Variants in HDDC2 observed in about 807,000 individuals in gnomAD.
HDDC2 encodes the protein HD domain containing 2.
HDDC2 carries 25 observed loss-of-function variants against 25.5 expected under a neutral mutation model. That is an observed-to-expected ratio of 0.98 (90% CI 0.72 to 1.37). HDDC2 has a LOEUF of 1.37. Ranked by LOEUF, HDDC2 falls within the 40% of genes most tolerant of loss-of-function variation. HDDC2 has a pLI of 0.00. For synonymous variants in HDDC2, 106 were observed against 89.7 expected (o/e 1.18, Z -1.03); for missense variants, 264 against 253.1 (o/e 1.04, Z -0.29).
At chr6:125,281,513 A>T (rs1798456705) in intron 4 of HDDC2, among the ~76,000 whole-genome samples, 1 of 152,152 alleles carries the variant, frequency 6.6e-6, no homozygotes. Flanking sequence ...AAAGAGCAAA[A>T]ATGACCTGAT....
intron 4 of HDDC2, among the ~76,000 whole-genome samples, chr6:125,280,336 G>C (rs1303525389): frequency 6.6e-6 from 1 of 152,178 alleles, no homozygotes; most frequent in Non-Finnish European, 1.5e-5. Flanking sequence ...CACCGAGCTA[G>C]CTACAATTTT....
chr6:125,288,309 G>A (rs1798574523), intron 4 of HDDC2, among the ~76,000 whole-genome samples: 1 of 152,074 alleles, frequency 6.6e-6, no homozygotes, highest in African/African-American at 2.4e-5. Context: ...GTGACCCGAG[G>A]CCCACTGATG....
chr6:125,290,611 G>C (rs1798616487), intron 4 of HDDC2, among the ~76,000 whole-genome samples: 1 of 152,162 alleles, frequency 6.6e-6, no homozygotes, highest in Non-Finnish European at 1.5e-5. Flanking sequence ...ATTCAATAGA[G>C]AGAAATTTGG....
Position 125,300,518 on chromosome 6 carries a change from C to T in HDDC2, c.206+20G>A. 1 of 1,610,700 alleles carries T rather than the reference C, an allele frequency of 6.2e-7. No individual in the cohort carries two copies. The highest frequency in any genetic ancestry group is 8.5e-7 in the Non-Finnish European group (1 of 1,178,732). ...ATAGACCAGAATCTCTCACGAGCATCAAAGTCCAGCTCAGCTTACCGGTCT... is the reference window on the plus strand; with the variant it reads ...ATAGACCAGAATCTCTCACGAGCATTAAAGTCCAGCTCAGCTTACCGGTCT... On this transcript the variant is annotated intron_variant, in intron 2 of 5. Transcript: ENST00000398153.
intron 4 of HDDC2, among the ~76,000 whole-genome samples, chr6:125,291,637 T>C (rs138513453): frequency 6.6e-6 from 1 of 152,278 alleles, no homozygotes. Flanking sequence ...ATTTCATAAC[T>C]GGGGATAAGG....
Position 125,275,932 on chromosome 6 carries a change from C to G in HDDC2, c.*214G>C. On this transcript the variant is annotated 3_prime_UTR_variant, in exon 6 of 6. Coordinates refer to ENST00000398153, the MANE Select transcript of HDDC2 (RefSeq NM_016063.3). ...TTAGTTCATAAACAGGCACTGCCAC[C>G]TCCAGTGTTCATCCATGGCACTTTC... 1 of 545,398 alleles carries G rather than the reference C, an allele frequency of 1.8e-6. No homozygotes were observed. The highest frequency in any genetic ancestry group is 3.2e-6 in the Non-Finnish European group (1 of 309,330). 33.8% of individuals were successfully genotyped at this position (545,398 alleles called of 1,614,324 possible). A position where few individuals can be genotyped will look rare whatever the true frequency, so the allele number is the denominator to read the frequency against.
At chr6:125,278,557 G>A (rs1214800696) in intron 4 of HDDC2, 1 of 152,126 alleles carries the variant, frequency 6.6e-6, no homozygotes, top group Non-Finnish European at 1.5e-5. Context: ...TCAATAAAAA[G>A]GCAAAGCACA....
chr6:125,282,226 G>A (rs9491362), intron 4 of HDDC2, among the ~76,000 whole-genome samples: 67,861 of 151,574 alleles, frequency 0.45, 20,029 homozygotes, highest in African/African-American at 0.84. Flanking sequence ...GGCGCCTATA[G>A]TCTCAGCTAC....
chr6:125,301,484 A>ACACACGCG (rs1798803676), intron 1 of HDDC2, among the ~76,000 whole-genome samples: 3 of 132,806 alleles, frequency 2.3e-5, no homozygotes, highest in Admixed American at 7.4e-5. Flanking sequence ...GGTCGTGAGC[A>ACACACGCG]CACACACACA....
At chr6:125,283,072 T>C (rs946551451) in intron 4 of HDDC2, among the ~76,000 whole-genome samples, 9 of 152,180 alleles carry the variant, frequency 5.9e-5, no homozygotes, top group Admixed American at 3.9e-4. Context: ...AATCACATGA[T>C]TATCTCAAAA....
At chr6:125,283,644 C>T (rs991835168) in intron 4 of HDDC2, among the ~76,000 whole-genome samples, 2 of 152,122 alleles carry the variant, frequency 1.3e-5, no homozygotes, top group Non-Finnish European at 2.9e-5. Context: ...GAACTACAAA[C>T]CACTGCTCAA....
intron 4 of HDDC2, among the ~76,000 whole-genome samples, chr6:125,290,936 C>T (rs1798622058): frequency 6.6e-6 from 1 of 152,124 alleles, no homozygotes; most frequent in Non-Finnish European, 1.5e-5. Flanking sequence ...GTAAATTTTG[C>T]AGTAAAGTTT....
chr6:125,276,279 A>G (rs1798368322), intron 5 of HDDC2, 36 bp from the exon 6 acceptor site: 2 of 1,461,760 alleles, frequency 1.4e-6, no homozygotes, highest in East Asian at 2.3e-5. Context: ...ATACATTCCC[A>G]TATTGACAAG....
At chr6:125,283,909 C>A (rs1464568011) in intron 4 of HDDC2, among the ~76,000 whole-genome samples, 1 of 152,186 alleles carries the variant, frequency 6.6e-6, no homozygotes, top group East Asian at 1.9e-4. Flanking sequence ...TACCTGACTT[C>A]AAACTATACT....
intron 3 of HDDC2, 162 bp from the exon 4 acceptor site, chr6:125,293,071 A>T: frequency 1.4e-6 from 1 of 703,266 alleles, no homozygotes; most frequent in Admixed American, 2.0e-5. Context: ...TGAGGAAGGC[A>T]GGCAGTTGTA....
At chr6:125,297,489 A>C in intron 3 of HDDC2, 1 of 398,824 alleles carries the variant, frequency 2.5e-6, no homozygotes, top group Non-Finnish European at 4.4e-6. Flanking sequence ...TTACCTTTGA[A>C]GGGCAAAAAT....
chr6:125,282,277 C>T (rs753241177), intron 4 of HDDC2, among the ~76,000 whole-genome samples: 3 of 150,318 alleles, frequency 2.0e-5, no homozygotes, highest in East Asian at 2.0e-4. Context: ...ACCCGGGAAG[C>T]GGAGGTTGCA....
Position 125,298,833 on chromosome 6 carries a change from T to C in HDDC2, c.207-17A>G. 6.4e-7 allele frequency: 1 copy of C among 1,550,934 alleles called. No individual in the cohort carries two copies. The highest frequency in any genetic ancestry group is 1.1e-5 in the South Asian group (1 of 89,762). On this transcript the variant is annotated splice_polypyrimidine_tract_variant and intron_variant, in intron 2 of 5. Coordinates refer to ENST00000398153, the MANE Select transcript of HDDC2 (RefSeq NM_016063.3). Reference sequence around the variant, plus strand: ...CGTACACATCTGATCAGGCAAGAAATGTCGAATAATTACACAGAATTATAT... The same window carrying C: ...CGTACACATCTGATCAGGCAAGAAACGTCGAATAATTACACAGAATTATAT...
chr6:125,294,000 C>A (rs144172998), intron 3 of HDDC2, among the ~76,000 whole-genome samples: 6 of 152,326 alleles, frequency 3.9e-5, no homozygotes, highest in African/African-American at 1.4e-4. Context: ...CCAGGAGCTA[C>A]CCTTATCCTC....
Sources: gnomAD v4.1 joint callset for allele counts (sites outside exome capture counted in the v4.1 genomes callset) on GRCh38, gnomAD v4.1.1 for gene constraint, MANE v1.5 for transcripts, NCBI Gene and HGNC (gene_info 2026-07-23, HGNC 2026-07-21) for gene names.